Variants in ACSL3 observed in about 807,000 individuals in gnomAD.
ACSL3 encodes acyl-CoA synthetase long chain family member 3.
A neutral mutation model predicts 84.7 loss-of-function variants in ACSL3; 34 were observed. The ratio of observed to expected loss-of-function variants is 0.40; its 90% CI spans 0.31 to 0.53. The LOEUF is 0.53. ACSL3 is among the 20% of genes least tolerant of loss of function. The pLI, the probability that ACSL3 is intolerant of heterozygous loss-of-function variation, is 0.48. For missense variants in ACSL3, 680 were observed against 873.1 expected (o/e 0.78, Z 2.79); for synonymous variants, 315 against 299.4 (o/e 1.05, Z -0.54).
intron 1 of ACSL3, among the ~76,000 whole-genome samples, chr2:222,887,565 C>G (rs1574527929): frequency 6.6e-6 from 1 of 152,194 alleles, no homozygotes; most frequent in East Asian, 1.9e-4. Flanking sequence ...GCTCCACATC[C>G]TTGCAAGCAT....
chr2:222,922,916 G>C (rs1559298753), intron 9 of ACSL3, 85 bp downstream of exon 9: 9 of 1,549,228 alleles, frequency 5.8e-6, no homozygotes, highest in Non-Finnish European at 7.9e-6. Flanking sequence ...ACAGTATATT[G>C]CGAGAGCGAT....
At chr2:222,931,901 A>G (rs1031532187) in intron 14 of ACSL3, among the ~76,000 whole-genome samples, 4 of 152,076 alleles carry the variant, frequency 2.6e-5, no homozygotes, top group African/African-American at 4.8e-5. Flanking sequence ...ACTCGGCTCA[A>G]GCAGCTGAGC....
At chr2:222,873,874 G>T (rs1695371855) in intron 1 of ACSL3, among the ~76,000 whole-genome samples, 1 of 150,872 alleles carries the variant, frequency 6.6e-6, no homozygotes, top group South Asian at 2.1e-4. Flanking sequence ...AATATTCACA[G>T]AAGTGGAATT....
intron 1 of ACSL3, among the ~76,000 whole-genome samples, chr2:222,863,118 CTG>C (rs1695054660): frequency 1.3e-5 from 2 of 152,084 alleles, no homozygotes; most frequent in African/African-American, 4.8e-5. Context: ...TTATTAGGTG[CTG>C]GGAATACAGC....
Position 222,943,826 on chromosome 2 carries a change from TATAAGAAATACTGGTTTA to T in ACSL3, c.*2174_*2191del, listed in dbSNP as rs1559309578. 1 of 152,136 alleles carries T rather than the reference TATAAGAAATACTGGTTTA, an allele frequency of 6.6e-6. No homozygotes were observed. The highest frequency in any genetic ancestry group is 2.4e-5 in the African/African-American group (1 of 41,448). 9.4% of individuals were successfully genotyped at this position (152,136 alleles called of 1,614,324 possible). ...GAAAAAACCACTCAATTATGACTCATATAAGAAATACTGGTTTAACCAGGAGATATTTGGGGAGCAAAA... is the reference window on the plus strand; with the variant it reads ...GAAAAAACCACTCAATTATGACTCATACCAGGAGATATTTGGGGAGCAAAA... On this transcript the variant is annotated 3_prime_UTR_variant, in exon 17 of 17. Coordinates refer to ENST00000357430, the MANE Select transcript of ACSL3 (RefSeq NM_004457.5).
At chr2:222,905,772 T>G (rs1696276595) in intron 3 of ACSL3, among the ~76,000 whole-genome samples, 1 of 152,298 alleles carries the variant, frequency 6.6e-6, no homozygotes. Flanking sequence ...AGTCCTGACT[T>G]CTCATCAGCT....
intron 16 of ACSL3, among the ~76,000 whole-genome samples, chr2:222,937,769 T>A (rs1031909468): frequency 4.6e-5 from 7 of 152,164 alleles, no homozygotes; most frequent in African/African-American, 1.7e-4. Context: ...ATCTTTTAAT[T>A]GGGCATTTAA....
intron 3 of ACSL3, among the ~76,000 whole-genome samples, chr2:222,901,247 T>A (rs906430483): frequency 3.9e-5 from 6 of 152,266 alleles, no homozygotes; most frequent in Admixed American, 3.9e-4. Flanking sequence ...ACTTTTTGTA[T>A]GGTGTAAGGA....
At chr2:222,924,689 A>G (rs1696828413) in intron 11 of ACSL3, 94 bp downstream of exon 11, 3 of 1,301,802 alleles carry the variant, frequency 2.3e-6, no homozygotes, top group Admixed American at 5.4e-5. Flanking sequence ...TAGTTATAAG[A>G]AAGAAATATA....
At chr2:222,934,453 C>T in intron 15 of ACSL3, 77 bp from the exon 16 acceptor site, 4 of 1,215,652 alleles carry the variant, frequency 3.3e-6, no homozygotes, top group Non-Finnish European at 4.4e-6. Flanking sequence ...TTATTTACTA[C>T]TTGTCACTGT....
At chr2:222,927,497 A>G (rs2106135343) in intron 12 of ACSL3, among the ~76,000 whole-genome samples, 1 of 152,346 alleles carries the variant, frequency 6.6e-6, no homozygotes, top group Non-Finnish European at 1.5e-5. Context: ...TTCTCACATC[A>G]GTGATTAAAT....
chr2:222,921,512 A>G, intron 8 of ACSL3, 82 bp downstream of exon 8: 4 of 1,368,166 alleles, frequency 2.9e-6, no homozygotes, highest in Non-Finnish European at 4.0e-6. Flanking sequence ...TTATTAATAT[A>G]TGGCTAAATT....
chr2:222,887,583 T>C (rs1283795403), intron 1 of ACSL3, among the ~76,000 whole-genome samples: 3 of 152,066 alleles, frequency 2.0e-5, no homozygotes, highest in Non-Finnish European at 4.4e-5. Flanking sequence ...CATTGGGTGG[T>C]GTTAGTGTTT....
chr2:222,862,033 A>G (rs1695028135), intron 1 of ACSL3, among the ~76,000 whole-genome samples: 2 of 152,180 alleles, frequency 1.3e-5, no homozygotes, highest in African/African-American at 4.8e-5. Flanking sequence ...GCTGCTGTAT[A>G]AAAGATCCCT....
rs368416805 is a variant in ACSL3 at position 222,925,402 on chromosome 2, A to G, written c.1292+807A>G. Among the ~76,000 whole-genome samples, 32 of 151,028 alleles carry G rather than the reference A, an allele frequency of 2.1e-4. No homozygotes were observed. In the East Asian group the frequency reaches 5.9e-3, roughly 28 times the overall value. On this transcript the variant is annotated intron_variant, in intron 11 of 16. Coordinates refer to ENST00000357430, the MANE Select transcript of ACSL3 (RefSeq NM_004457.5). ...TGGGAGGATTGCTTGAGGCCAGGAA[A>G]TCAAGACCAGCCTGGGCAACATAGC...
In ACSL3 at chr2:222,882,283, T is replaced by A. The variant is rs1220830567; in HGVS notation, c.-206-5547T>A. Reference sequence around the variant, plus strand: ...AATTGATTGGGAAATTAGCTGAGAGTAGAATTCTAGGTTAAAACTTTCCCT... The same window carrying A: ...AATTGATTGGGAAATTAGCTGAGAGAAGAATTCTAGGTTAAAACTTTCCCT... On this transcript the variant is annotated intron_variant, in intron 1 of 16. Coordinates refer to ENST00000357430, the MANE Select transcript of ACSL3 (RefSeq NM_004457.5). 2.0e-5 allele frequency among the ~76,000 whole-genome samples: 3 copies of A among 152,268 alleles called. No individual in the cohort carries two copies. In the East Asian group the frequency reaches 5.8e-4, roughly 29 times the overall value.
In ACSL3 at chr2:222,861,146, G is replaced by T. The variant is rs1453718190; in HGVS notation, c.-319G>T. 1 of 152,328 alleles carries T rather than the reference G, an allele frequency of 6.6e-6. No homozygotes were observed. Among genetic ancestry groups the T allele is most frequent in the African/African-American group, 2.4e-5 (1 of 41,460 alleles). 9.4% of individuals were successfully genotyped at this position (152,328 alleles called of 1,614,324 possible). ...CATACGTTCGTCCCCTCGCATTGCG[G>T]CCCCGACAGCTGCGCCAGGATCCCC... is the stretch of plus-strand genomic sequence containing the variant. On this transcript the variant is annotated 5_prime_UTR_variant, in exon 1 of 17. Transcript: ENST00000357430.
At chr2:222,882,087 AC>A (rs1695603244) in intron 1 of ACSL3, among the ~76,000 whole-genome samples, 1 of 152,236 alleles carries the variant, frequency 6.6e-6, no homozygotes. Flanking sequence ...GCTCTTGTAA[AC>A]TAGGTAACAA....
chr2:222,901,119 C>T, intron 3 of ACSL3, among the ~76,000 whole-genome samples: 1 of 152,144 alleles, frequency 6.6e-6, no homozygotes, highest in Middle Eastern at 3.2e-3. Flanking sequence ...GCCATTTGAT[C>T]CAAGAAGATT....
Sources: allele counts gnomAD v4.1 joint callset (sites outside exome capture counted in the v4.1 genomes callset), GRCh38; gene constraint gnomAD v4.1.1; transcripts MANE v1.5; gene names NCBI Gene and HGNC (gene_info 2026-07-23, HGNC 2026-07-21).